CDH20: variants seen among roughly 807,000 people sequenced by gnomAD.
CDH20 encodes cadherin-20.
CDH20 carries 29 observed loss-of-function variants against 74.2 expected under a neutral mutation model. That is an observed-to-expected ratio of 0.39 (90% CI 0.29 to 0.53). The LOEUF is 0.53. CDH20 is among the 20% of genes least tolerant of loss of function. The pLI is 0.69. For synonymous variants in CDH20, 469 were observed against 405.4 expected (o/e 1.16, Z -1.88); for missense variants, 988 against 1,048.3 (o/e 0.94, Z 0.79).
At chr18:61,524,161 T>C (rs1912306466) in intron 6 of CDH20, among the ~76,000 whole-genome samples, 1 of 152,080 alleles carries the variant, frequency 6.6e-6, no homozygotes, top group Admixed American at 6.6e-5. Flanking sequence ...TGGACTTGAA[T>C]ATAAAATATA....
intron 7 of CDH20, among the ~76,000 whole-genome samples, chr18:61,535,252 G>C (rs1022761494): frequency 6.6e-6 from 1 of 151,942 alleles, no homozygotes; most frequent in Non-Finnish European, 1.5e-5. Flanking sequence ...GGAGGCAGAG[G>C]CTACAGTGAG....
intron 1 of CDH20, among the ~76,000 whole-genome samples, chr18:61,382,680 C>G (rs1911471285): frequency 6.6e-6 from 1 of 152,102 alleles, no homozygotes; most frequent in Non-Finnish European, 1.5e-5. Context: ...GTACACAATT[C>G]TAATAAGTTT....
rs562768311 is a variant in CDH20 at position 61,388,894 on chromosome 18, G to A, written c.-153+55067G>A. Among the ~76,000 whole-genome samples the A allele has an allele frequency of 5.3e-5, 8 of 152,266 alleles. No individual in the cohort carries two copies. In the South Asian group the frequency reaches 8.3e-4, roughly 16 times the overall value. ...AACTCTGAACCTTGTTTTCCCATCC[G>A]TGAAACAGACATAATAGTACCATGC... On this transcript the variant is annotated intron_variant, in intron 1 of 11. Transcript: ENST00000262717.
intron 1 of CDH20, among the ~76,000 whole-genome samples, chr18:61,455,700 A>C (rs77375101): frequency 0.022 from 3,359 of 152,256 alleles, 55 homozygotes; most frequent in African/African-American, 0.05. Flanking sequence ...AATATTTTTG[A>C]CTACATAATC....
Position 61,555,546 on chromosome 18 carries a change from T to C in CDH20, c.*851T>C. Reference sequence around the variant, plus strand: ...GAAAGCCAAATAAAAAAGAAGTATCTGACAAAAGCATGGGTTAGAGGGCTT... The same window carrying C: ...GAAAGCCAAATAAAAAAGAAGTATCCGACAAAAGCATGGGTTAGAGGGCTT... On this transcript the variant is annotated 3_prime_UTR_variant, in exon 12 of 12. Coordinates refer to ENST00000262717, the MANE Select transcript of CDH20 (RefSeq NM_031891.4). 5 of 985,394 alleles carry C rather than the reference T, an allele frequency of 5.1e-6. No homozygotes were observed. Among genetic ancestry groups the C allele is most frequent in the Non-Finnish European group, 6.0e-6 (5 of 829,904 alleles). The allele number at this position is 985,394 out of a possible 1,614,324, so 61.0% of individuals were successfully genotyped here.
intron 6 of CDH20, among the ~76,000 whole-genome samples, chr18:61,513,821 A>G (rs1190947720): frequency 1.3e-5 from 2 of 152,090 alleles, no homozygotes; most frequent in Non-Finnish European, 1.5e-5. Flanking sequence ...AATGTTGAAT[A>G]TTGGCCCCCA....
At chr18:61,424,843 C>G (rs537479822) in intron 1 of CDH20, among the ~76,000 whole-genome samples, 1 of 152,226 alleles carries the variant, frequency 6.6e-6, no homozygotes, top group African/African-American at 2.4e-5. Context: ...AAATAAGAAC[C>G]TAGCCCTGGG....
intron 1 of CDH20, among the ~76,000 whole-genome samples, chr18:61,426,201 T>A (rs1450344754): frequency 1.3e-5 from 2 of 151,952 alleles, no homozygotes; most frequent in Non-Finnish European, 2.9e-5. Flanking sequence ...TAAAATAAAA[T>A]AAAATAAAAT....
intron 1 of CDH20, among the ~76,000 whole-genome samples, chr18:61,439,842 G>C (rs546354892): frequency 6.6e-6 from 1 of 152,250 alleles, no homozygotes; most frequent in East Asian, 1.9e-4. Context: ...CTGGAGTCAG[G>C]TGAGTTGGCT....
intron 4 of CDH20, among the ~76,000 whole-genome samples, chr18:61,500,718 G>A (rs1911347359): frequency 6.6e-6 from 1 of 151,672 alleles, no homozygotes; most frequent in South Asian, 2.1e-4. Flanking sequence ...TGATTGGAGA[G>A]GCAAAAAGCC....
chr18:61,336,990 A>T (rs1185266719), intron 1 of CDH20, among the ~76,000 whole-genome samples: 1 of 152,246 alleles, frequency 6.6e-6, no homozygotes, highest in East Asian at 1.9e-4. Context: ...TCTGCCAAAG[A>T]TTGCTGTAAA....
intron 1 of CDH20, among the ~76,000 whole-genome samples, chr18:61,425,070 T>A: frequency 6.7e-6 from 1 of 148,348 alleles, no homozygotes; most frequent in African/African-American, 2.6e-5. Context: ...TCTCTCTCTC[T>A]CTCTCTCACT....
chr18:61,432,048 C>A (rs565408706), intron 1 of CDH20, among the ~76,000 whole-genome samples: 2 of 151,892 alleles, frequency 1.3e-5, no homozygotes, highest in South Asian at 2.1e-4. Context: ...AGTTTGAGAC[C>A]AGCCTGGCCA....
chr18:61,386,522 G>A (rs1376035262), intron 1 of CDH20, among the ~76,000 whole-genome samples: 1 of 152,104 alleles, frequency 6.6e-6, no homozygotes, highest in Non-Finnish European at 1.5e-5. Flanking sequence ...TGTTGTAGAA[G>A]CCCAAACGAA....
chr18:61,516,925 G>T (rs1241788236), intron 6 of CDH20, among the ~76,000 whole-genome samples: 5 of 152,088 alleles, frequency 3.3e-5, no homozygotes, highest in African/African-American at 9.7e-5. Flanking sequence ...TTTAAATGTG[G>T]AAGTGAGGGA....
At chr18:61,537,856 G>A (rs1434362586) in intron 8 of CDH20, among the ~76,000 whole-genome samples, 5 of 152,166 alleles carry the variant, frequency 3.3e-5, no homozygotes, top group Non-Finnish European at 7.4e-5. Flanking sequence ...GGAAAGAAAG[G>A]AAGAAAAATA....
chr18:61,345,851 T>C (rs995154688), intron 1 of CDH20, among the ~76,000 whole-genome samples: 1 of 152,066 alleles, frequency 6.6e-6, no homozygotes, highest in African/African-American at 2.4e-5. Flanking sequence ...AGAGGTTGTT[T>C]GGGAATTTGG....
chr18:61,394,565 A>C (rs1170734148), intron 1 of CDH20, among the ~76,000 whole-genome samples: 1 of 152,104 alleles, frequency 6.6e-6, no homozygotes, highest in Non-Finnish European at 1.5e-5. Flanking sequence ...CATCCCTCAG[A>C]AGGAACCAAC....
chr18:61,484,674 T>A (rs1910694592), intron 1 of CDH20, among the ~76,000 whole-genome samples: 1 of 151,870 alleles, frequency 6.6e-6, no homozygotes, highest in South Asian at 2.1e-4. Context: ...CTGACCAAGT[T>A]TTTCAAAGCC....
Sources: allele counts gnomAD v4.1 joint callset (sites outside exome capture counted in the v4.1 genomes callset), GRCh38; gene constraint gnomAD v4.1.1; transcripts MANE v1.5; gene names NCBI Gene and HGNC (gene_info 2026-07-23, HGNC 2026-07-21).